The following ACVR1 variants were observed in gnomAD, a reference collection of about 807,000 sequenced individuals.
ACVR1 encodes the protein activin receptor type-1.
A neutral mutation model predicts 57.1 loss-of-function variants in ACVR1; 38 were observed. The ratio of observed to expected loss-of-function variants is 0.67; its 90% CI spans 0.51 to 0.87. The LOEUF (loss-of-function observed/expected upper bound fraction) is 0.87, where lower values mean the gene tolerates loss of function less well. ACVR1 is among the 40% of genes least tolerant of loss of function. The probability of loss-of-function intolerance (pLI) is 0.00; values close to 1 mark genes in which losing one functional copy is unlikely to be tolerated. For synonymous variants in ACVR1, 212 were observed against 228.1 expected (o/e 0.93, Z 0.63); for missense variants, 463 against 638.2 (o/e 0.73, Z 2.96).
rs1687639256 is a variant in ACVR1 at position 157,808,532 on chromosome 2, G to C, written c.-7-9032C>G. On this transcript the variant is annotated intron_variant, in intron 2 of 10. Transcript: ENST00000434821. Reference sequence around the variant, plus strand: ...TCCAAGAGAGGCAGCCAAACAAAAAGACGGCTGGCAGACCTTGGGTGTACC... The same window carrying C: ...TCCAAGAGAGGCAGCCAAACAAAAACACGGCTGGCAGACCTTGGGTGTACC... 2.6e-5 allele frequency among the ~76,000 whole-genome samples: 4 copies of C among 152,306 alleles called. No homozygotes were observed. In the South Asian group the frequency reaches 8.3e-4, roughly 32 times the overall value.
rs1328928419 is a variant in ACVR1, at chr2:157,876,059, TGGCAGCGGCAGCGGC to T, written c.-461_-447del. Among the ~76,000 whole-genome samples the T allele has an allele frequency of 1.7e-5, 2 of 118,334 alleles. No homozygotes were observed. The highest frequency in any genetic ancestry group is 6.5e-5 in the African/African-American group (2 of 30,860). The allele number at this position is 118,334 out of a possible 152,430, so 77.6% of individuals were successfully genotyped here. A position where few individuals can be genotyped will look rare whatever the true frequency, so the allele number is the denominator to read the frequency against. On this transcript the variant is annotated 5_prime_UTR_variant, in exon 1 of 11. Coordinates refer to ENST00000434821, the MANE Select transcript of ACVR1 (RefSeq NM_001111067.4). ...CGGCGCGGCTGGCCGAGGAGCAGGC[TGGCAGCGGCAGCGGC>T]GGCAGCGGCAGCCACCCGGGGGAAA...
intron 9 of ACVR1, among the ~76,000 whole-genome samples, chr2:157,747,106 C>A (rs1464933670): frequency 6.6e-6 from 1 of 152,060 alleles, no homozygotes; most frequent in African/African-American, 2.4e-5. Flanking sequence ...ATTATAATGA[C>A]CTTCCTCACA....
At chr2:157,870,502 C>T (rs1424456098) in intron 1 of ACVR1, among the ~76,000 whole-genome samples, 1 of 152,206 alleles carries the variant, frequency 6.6e-6, no homozygotes, top group African/African-American at 2.4e-5. Flanking sequence ...GGATTCCACC[C>T]ATTTTCCAAA....
intron 1 of ACVR1, among the ~76,000 whole-genome samples, chr2:157,870,588 CAT>C (rs1690085338): frequency 6.6e-6 from 1 of 152,184 alleles, no homozygotes; most frequent in African/African-American, 2.4e-5. Flanking sequence ...TGTTTGGAAA[CAT>C]ATGCAACAGG....
chr2:157,782,972 G>A (rs972615359), intron 3 of ACVR1, among the ~76,000 whole-genome samples: 7 of 152,132 alleles, frequency 4.6e-5, no homozygotes, highest in Non-Finnish European at 1.0e-4. Context: ...TAAAGTAGGA[G>A]AGAGCTGTTC....
chr2:157,780,202 C>A, intron 4 of ACVR1, 135 bp downstream of exon 4: 1 of 1,306,350 alleles, frequency 7.7e-7, no homozygotes, highest in Non-Finnish European at 1.1e-6. Flanking sequence ...CCAGGGTGAC[C>A]TTCCTTGTAG....
At position 157,737,686 on chromosome 2, in the gene ACVR1, C is replaced by T. The variant is rs748946637; in HGVS notation, c.1396-21G>A. The T allele has an allele frequency of 5.0e-6, 8 of 1,614,030 alleles. No individual in the cohort carries two copies. In the South Asian group the frequency reaches 8.8e-5, roughly 18 times the overall value. Reference sequence around the variant, plus strand: ...AATGTCTGAGGAGAGAAAGAACAAACACCACAATGACAAACTGGCTTTTTA... The same window carrying T: ...AATGTCTGAGGAGAGAAAGAACAAATACCACAATGACAAACTGGCTTTTTA... On this transcript the variant is annotated intron_variant, in intron 10 of 10. Coordinates refer to ENST00000434821, the MANE Select transcript of ACVR1 (RefSeq NM_001111067.4).
intron 3 of ACVR1, among the ~76,000 whole-genome samples, chr2:157,783,212 C>T (rs1164850129): frequency 6.6e-6 from 1 of 152,212 alleles, no homozygotes; most frequent in Non-Finnish European, 1.5e-5. Flanking sequence ...AATCATTTCT[C>T]TAATGTGCTC....
intron 3 of ACVR1, among the ~76,000 whole-genome samples, chr2:157,797,416 C>T (rs1687163055): frequency 6.6e-6 from 1 of 152,152 alleles, no homozygotes; most frequent in African/African-American, 2.4e-5. Flanking sequence ...CTTACTGTCC[C>T]ATCTGATCAT....
chr2:157,781,182 T>A (rs1686508616), intron 3 of ACVR1, among the ~76,000 whole-genome samples: 1 of 152,226 alleles, frequency 6.6e-6, no homozygotes, highest in South Asian at 2.1e-4. Flanking sequence ...GTTTCAAATT[T>A]AAAAATTTTT....
At chr2:157,825,520 T>A (rs1351654352) in intron 1 of ACVR1, among the ~76,000 whole-genome samples, 1 of 152,032 alleles carries the variant, frequency 6.6e-6, no homozygotes, top group Non-Finnish European at 1.5e-5. Context: ...GAGCTCTGCC[T>A]CCTATCAGAT....
chr2:157,827,751 T>C, intron 1 of ACVR1, among the ~76,000 whole-genome samples: 1 of 152,176 alleles, frequency 6.6e-6, no homozygotes, highest in East Asian at 1.9e-4. Context: ...ATCGTCTCTA[T>C]GGGACTGAGC....
chr2:157,777,084 C>A (rs549729014), intron 5 of ACVR1, among the ~76,000 whole-genome samples: 38 of 152,266 alleles, frequency 2.5e-4, no homozygotes, highest in Admixed American at 5.9e-4. Flanking sequence ...TTTTCTTTTG[C>A]ACTTTATGAT....
chr2:157,816,947 T>C (rs1298960076), intron 2 of ACVR1, among the ~76,000 whole-genome samples: 1 of 151,944 alleles, frequency 6.6e-6, no homozygotes, highest in African/African-American at 2.4e-5. Flanking sequence ...AAGCATTTCA[T>C]CCTGGATAGC....
At chr2:157,862,067 T>C (rs1396594673) in intron 1 of ACVR1, among the ~76,000 whole-genome samples, 1 of 152,210 alleles carries the variant, frequency 6.6e-6, no homozygotes, top group Non-Finnish European at 1.5e-5. Flanking sequence ...TTTTGAATAT[T>C]TACTTTATCC....
chr2:157,799,044 C>T (rs946138232), intron 3 of ACVR1, among the ~76,000 whole-genome samples: 3 of 151,632 alleles, frequency 2.0e-5, no homozygotes, highest in Non-Finnish European at 4.4e-5. Context: ...TTACAGGTGC[C>T]CGCCACCATG....
intron 9 of ACVR1, among the ~76,000 whole-genome samples, chr2:157,752,376 T>C (rs1483911079): frequency 4.6e-5 from 7 of 152,074 alleles, no homozygotes; most frequent in African/African-American, 1.7e-4. Flanking sequence ...GAAAAACAAT[T>C]CTAGTAATAT....
chr2:157,837,749 C>A (rs1003106801), intron 1 of ACVR1, among the ~76,000 whole-genome samples: 1 of 152,044 alleles, frequency 6.6e-6, no homozygotes, highest in Non-Finnish European at 1.5e-5. Flanking sequence ...ATTTCTGGAA[C>A]AGTGAGCATT....
At chr2:157,840,258 C>T (rs1204202454) in intron 1 of ACVR1, among the ~76,000 whole-genome samples, 3 of 152,164 alleles carry the variant, frequency 2.0e-5, no homozygotes, top group African/African-American at 7.2e-5. Context: ...ACCTGTTTTA[C>T]CCTGGACTCC....
Sources: allele counts gnomAD v4.1 joint callset (sites outside exome capture counted in the v4.1 genomes callset), GRCh38; gene constraint gnomAD v4.1.1; transcripts MANE v1.5; gene names NCBI Gene and HGNC (gene_info 2026-07-23, HGNC 2026-07-21).